RBBP8: variants seen among roughly 807,000 people sequenced by gnomAD.
The protein encoded by RBBP8 is RB binding protein 8, endonuclease.
RBBP8 carries 88 observed loss-of-function variants against 108.3 expected under a neutral mutation model. That is an observed-to-expected ratio of 0.81 (90% CI 0.68 to 0.97). RBBP8 has a LOEUF of 0.97. Among genes scored for constraint, RBBP8 ranks in the 50% least tolerant of loss-of-function variants. RBBP8 has a pLI of 0.00. For missense variants in RBBP8, 1,023 were observed against 1,049.0 expected, an observed-to-expected ratio of 0.98 and a Z score of 0.34; for synonymous variants, 332 against 348.2, an observed-to-expected ratio of 0.95 and a Z score of 0.52.
At chr18:22,980,385 C>T (rs899251903) in intron 6 of RBBP8, among the ~76,000 whole-genome samples, 7 of 152,188 alleles carry the variant, frequency 4.6e-5, no homozygotes, top group Non-Finnish European at 7.4e-5. Context: ...CAATTTTAAA[C>T]GGTAAAATTC....
At chr18:22,916,310 T>C (rs2144323854) in intron 2 of RBBP8, among the ~76,000 whole-genome samples, 1 of 152,204 alleles carries the variant, frequency 6.6e-6, no homozygotes, top group Admixed American at 6.5e-5. Flanking sequence ...GCACTTAGAA[T>C]TATGTCATTT....
rs562170080 is a variant in RBBP8, at chr18:22,976,736, G to A, written c.428+1517G>A. On this transcript the variant is annotated intron_variant, in intron 6 of 18. Coordinates refer to ENST00000327155, the MANE Select transcript of RBBP8 (RefSeq NM_002894.3). ...TTATGTGAAGTGATTATGTATGTAC[G>A]TAGCTTATGGTATTTTGAACACATC... Among the ~76,000 whole-genome samples, 4 of 152,122 alleles carry A rather than the reference G, an allele frequency of 2.6e-5. No individual in the cohort carries two copies. In the South Asian group the frequency reaches 6.2e-4, roughly 24 times the overall value.
chr18:22,960,178 C>G (rs1397390521), intron 4 of RBBP8, among the ~76,000 whole-genome samples: 2 of 152,074 alleles, frequency 1.3e-5, no homozygotes, highest in African/African-American at 4.8e-5. Context: ...CAGGCATGAG[C>G]CACCACACCT....
intron 2 of RBBP8, among the ~76,000 whole-genome samples, chr18:22,945,762 T>G (rs1911510721): frequency 6.6e-6 from 1 of 152,194 alleles, no homozygotes; most frequent in African/African-American, 2.4e-5. Context: ...TGACTTATAT[T>G]TAGTTGCTGA....
intron 4 of RBBP8, among the ~76,000 whole-genome samples, chr18:22,963,264 C>T (rs1913273590): frequency 6.6e-6 from 1 of 152,008 alleles, no homozygotes; most frequent in Non-Finnish European, 1.5e-5. Flanking sequence ...ACGCCATTCC[C>T]ATTTCCCTCT....
chr18:22,943,451 T>A (rs78551192), intron 2 of RBBP8, among the ~76,000 whole-genome samples: 7,288 of 151,338 alleles, frequency 0.048, 340 homozygotes, highest in African/African-American at 0.12. Context: ...AATAATAATA[T>A]TATTATTATT....
Position 22,993,618 on chromosome 18 carries a change from G to A in RBBP8, c.1791G>A (p.Glu597=), listed in dbSNP as rs139860603. The stretch of plus-strand genomic sequence containing the variant: ...GTCCACGTGAAAGTTTGGAGACTGA[G>A]AATGTTTTAGATGACATAAAGGTTT... ...PLRPRESLET[E]NVLDDIKSAG... Residue 597 remains glutamate, a synonymous_variant, in exon 11 of 19, where the codon GAG becomes GAA. Transcript: ENST00000327155. 182 of 1,614,226 alleles carry A rather than the reference G, an allele frequency of 1.1e-4. No homozygotes were observed. In the African/African-American group the frequency reaches 2.2e-3, roughly 20 times the overall value.
intron 6 of RBBP8, among the ~76,000 whole-genome samples, chr18:22,978,643 A>G (rs1567973669): frequency 6.6e-6 from 1 of 152,126 alleles, no homozygotes; most frequent in Admixed American, 6.5e-5. Context: ...CTGTGACGTG[A>G]TTAGTTAAAG....
intron 3 of RBBP8, among the ~76,000 whole-genome samples, chr18:22,923,493 G>GA (rs1178905527): frequency 6.6e-6 from 1 of 152,154 alleles, no homozygotes; most frequent in African/African-American, 2.4e-5. Context: ...TCTTCTTTAA[G>GA]AAATTTCAAA....
chr18:23,006,509 C>CTT, intron 16 of RBBP8, 77 bp downstream of exon 16: 3 of 1,266,744 alleles, frequency 2.4e-6, no homozygotes, highest in Non-Finnish European at 3.4e-6. Flanking sequence ...TCTCTTTTTT[C>CTT]TTTTTTTTTA....
chr18:22,972,616 G>A (rs2144611842), intron 5 of RBBP8, among the ~76,000 whole-genome samples: 1 of 152,082 alleles, frequency 6.6e-6, no homozygotes, highest in South Asian at 2.1e-4. Flanking sequence ...GTTTTGCCAT[G>A]TTGGCCAGGC....
chr18:22,948,987 A>G (rs1598650196), intron 3 of RBBP8, among the ~76,000 whole-genome samples: 1 of 152,226 alleles, frequency 6.6e-6, no homozygotes, highest in Non-Finnish European at 1.5e-5. Flanking sequence ...CTATAAAGTC[A>G]TAATGGTAAA....
intron 1 of RBBP8, 103 bp from the exon 2 acceptor site, chr18:22,936,651 A>T: frequency 1.7e-6 from 1 of 585,876 alleles, no homozygotes; most frequent in Non-Finnish European, 3.0e-6. Context: ...ATAGGTAAAT[A>T]AGGAAATGGT....
Position 23,026,309 on chromosome 18 carries a change from T to G in RBBP8, c.*69T>G, listed in dbSNP as rs1287327857. 1 of 1,250,322 alleles carries G rather than the reference T, an allele frequency of 8.0e-7. No individual in the cohort carries two copies. The highest frequency in any genetic ancestry group is 1.2e-6 in the Non-Finnish European group (1 of 862,568). The allele number at this position is 1,250,322 out of a possible 1,614,324, so 77.5% of individuals were successfully genotyped here. A position where few individuals can be genotyped will look rare whatever the true frequency, so the allele number is the denominator to read the frequency against. Reference sequence around the variant, plus strand: ...CTTAGTTATTTATAGTTAAAGTTGGTACTAAACATTGATTTTTTTGATCTT... The same window carrying G: ...CTTAGTTATTTATAGTTAAAGTTGGGACTAAACATTGATTTTTTTGATCTT... On this transcript the variant is annotated 3_prime_UTR_variant, in exon 19 of 19. Transcript: ENST00000327155.
chr18:22,976,668 G>A (rs1301240875), intron 6 of RBBP8, among the ~76,000 whole-genome samples: 2 of 152,000 alleles, frequency 1.3e-5, no homozygotes, highest in African/African-American at 4.8e-5. Flanking sequence ...AATCCCGTCT[G>A]GTTCCAAGGA....
intron 4 of RBBP8, among the ~76,000 whole-genome samples, chr18:22,963,918 T>C (rs1223006573): frequency 1.3e-5 from 2 of 152,164 alleles, no homozygotes; most frequent in African/African-American, 4.8e-5. Flanking sequence ...ACCATTGTCA[T>C]GCTTAAAAAA....
At chr18:22,932,958 T>A (rs968227686), upstream of RBBP8, among the ~76,000 whole-genome samples, 2 of 152,218 alleles carry the variant, frequency 1.3e-5, no homozygotes, top group African/African-American at 2.4e-5. Context: ...CCGAAAACTA[T>A]GTTAGACGGA....
chr18:22,980,771 G>A (rs1270463979), intron 6 of RBBP8, among the ~76,000 whole-genome samples: 2 of 148,962 alleles, frequency 1.3e-5, no homozygotes, highest in Non-Finnish European at 3.0e-5. Flanking sequence ...CTGGAGTGGA[G>A]TGGCATGATC....
At chr18:22,963,808 A>G (rs929189027) in intron 4 of RBBP8, among the ~76,000 whole-genome samples, 3 of 152,176 alleles carry the variant, frequency 2.0e-5, no homozygotes, top group African/African-American at 7.2e-5. Context: ...CGTTGTACCC[A>G]TCACTTGGTT....
Sources: gnomAD v4.1 joint callset for allele counts (sites outside exome capture counted in the v4.1 genomes callset) on GRCh38, gnomAD v4.1.1 for gene constraint, MANE v1.5 for transcripts, NCBI Gene and HGNC (gene_info 2026-07-23, HGNC 2026-07-21) for gene names.